Variants in LRRC27 observed in about 807,000 individuals in gnomAD.
The protein encoded by LRRC27 is leucine rich repeat containing 27.
In LRRC27, 57 loss-of-function variants were observed where a neutral mutation model predicts 55.0. That is an observed-to-expected ratio of 1.04 (90% CI 0.84 to 1.29). The LOEUF is 1.29. LRRC27 is among the 50% of genes most tolerant of loss of function. The pLI, the probability that LRRC27 is intolerant of heterozygous loss-of-function variation, is 0.00. For synonymous variants in LRRC27, 278 were observed against 251.9 expected (o/e 1.10, Z -0.98); for missense variants, 721 against 651.5 (o/e 1.11, Z -1.16).
intron 3 of LRRC27, among the ~76,000 whole-genome samples, chr10:132,338,521 A>G (rs941702848): frequency 5.3e-5 from 8 of 151,960 alleles, no homozygotes; most frequent in African/African-American, 1.7e-4. Flanking sequence ...AATCCTGCCC[A>G]TGGTGGAAAC....
At position 132,347,964 on chromosome 10, in the gene LRRC27, G is replaced by A. The variant is rs1289959143; in HGVS notation, c.554-20G>A. ...GATGGCGTTGATGGTAGCTACTAAA[G>A]CGGTTTCTTACTCTCCCAGAGGCTC... On this transcript the variant is annotated intron_variant, in intron 5 of 10. Transcript: ENST00000368614. 6 of 1,571,422 alleles carry A rather than the reference G, an allele frequency of 3.8e-6. No homozygotes were observed. The South Asian group carries it at 5.8e-5, about 15-fold the overall frequency.
chr10:132,356,329 G>A (rs1040527691), intron 8 of LRRC27, among the ~76,000 whole-genome samples: 3 of 152,224 alleles, frequency 2.0e-5, no homozygotes, highest in African/African-American at 7.2e-5. Context: ...TCTGGACCTC[G>A]AGGCAGGCAG....
intron 7 of LRRC27, chr10:132,353,256 C>A: frequency 1.6e-6 from 2 of 1,275,558 alleles, no homozygotes; most frequent in Non-Finnish European, 2.0e-6. Context: ...GCCTCTCCCT[C>A]CTTCTGGGTT....
In LRRC27 at chr10:132,337,660, A is replaced by G; in HGVS notation, c.306A>G (p.Arg102=). ...NLTWLDLRYN[R]IKALPSGIGA... is the part of the protein sequence containing the mutation. ...CTTGGCTGGACCTCCGGTACAATAG[A>G]ATTAAAGCGCTTCCTTCTGGGATTG... is the stretch of plus-strand genomic sequence containing the variant. Residue 102 remains arginine (R), a synonymous_variant, in exon 3 of 11, where the codon AGA becomes AGG. Coordinates refer to ENST00000368614, the MANE Select transcript of LRRC27 (RefSeq NM_030626.3). 6.2e-7 allele frequency: 1 copy of G among 1,614,130 alleles called. No homozygotes were observed. Among genetic ancestry groups the G allele is most frequent in the South Asian group, 1.1e-5 (1 of 91,074 alleles).
At chr10:132,349,692 G>T (rs1261345015) in intron 6 of LRRC27, among the ~76,000 whole-genome samples, 1 of 152,174 alleles carries the variant, frequency 6.6e-6, no homozygotes, top group Non-Finnish European at 1.5e-5. Context: ...GTCAGATTTG[G>T]ATACTAGACC....
At chr10:132,373,740 CCCCGGCCGCCCCCTACTGT>C (rs2133112125) in intron 10 of LRRC27, among the ~76,000 whole-genome samples, 2 of 152,206 alleles carry the variant, frequency 1.3e-5, no homozygotes, top group East Asian at 3.9e-4. Context: ...ACCCAGAAGC[CCCCGGCCGCCCCCTACTGT>C]GAGAGGAGCC....
chr10:132,334,830 A>C (rs1311821315), intron 2 of LRRC27, among the ~76,000 whole-genome samples: 1 of 152,246 alleles, frequency 6.6e-6, no homozygotes, highest in Non-Finnish European at 1.5e-5. Context: ...AGGGAGAAGG[A>C]GGAAATTCCA....
rs1369260143 is a variant in LRRC27, at chr10:132,379,184, C to G, written c.*3942C>G. ...GGAGTGCGTGGTGTCAGATCCCATC[C>G]TGCTCCTCTCCAGAGTTTCCTCTCA... On this transcript the variant is annotated 3_prime_UTR_variant, in exon 11 of 11. Coordinates refer to ENST00000368614, the MANE Select transcript of LRRC27 (RefSeq NM_030626.3). 6.6e-6 allele frequency: 1 copy of G among 152,348 alleles called. No individual in the cohort carries two copies. Among genetic ancestry groups the G allele is most frequent in the Non-Finnish European group, 1.4e-5 (1 of 69,622 alleles). 9.4% of individuals were successfully genotyped at this position (152,348 alleles called of 1,614,324 possible). A position where few individuals can be genotyped will look rare whatever the true frequency, so the allele number is the denominator to read the frequency against.
intron 8 of LRRC27, among the ~76,000 whole-genome samples, chr10:132,359,669 G>C (rs534172256): frequency 6.6e-6 from 1 of 152,254 alleles, no homozygotes; most frequent in South Asian, 2.1e-4. Context: ...TCGATGGGGT[G>C]GGAGCCTTGA....
At chr10:132,337,342 T>A in intron 2 of LRRC27, 1 of 1,340,396 alleles carries the variant, frequency 7.5e-7, no homozygotes, top group African/African-American at 1.5e-5. Flanking sequence ...AGGAAGTCAG[T>A]TCCGGCTCCA....
At chr10:132,367,015 A>T in intron 10 of LRRC27, 1 of 1,169,440 alleles carries the variant, frequency 8.6e-7, no homozygotes, top group Non-Finnish European at 1.1e-6. Context: ...ATCGTTTATG[A>T]GTATGACCTT....
chr10:132,371,647 T>C (rs2133106870), intron 10 of LRRC27, among the ~76,000 whole-genome samples: 1 of 152,292 alleles, frequency 6.6e-6, no homozygotes, highest in Admixed American at 6.5e-5. Flanking sequence ...GCCCCACAAA[T>C]GGCCACGTTT....
chr10:132,345,650 G>T (rs2067647053), intron 5 of LRRC27, among the ~76,000 whole-genome samples: 1 of 152,204 alleles, frequency 6.6e-6, no homozygotes, highest in African/African-American at 2.4e-5. Flanking sequence ...GAGGGCACTG[G>T]GCACCTGGCA....
upstream of LRRC27, chr10:132,332,031 C>T (rs2066791382): frequency 5.6e-6 from 2 of 356,644 alleles, no homozygotes; most frequent in East Asian, 4.8e-5. Context: ...CCACACCCCG[C>T]CCCCGCACGC....
chr10:132,337,245 G>A (rs1048639787), intron 2 of LRRC27: 1 of 1,190,258 alleles, frequency 8.4e-7, no homozygotes, highest in Non-Finnish European at 1.0e-6. Context: ...GAGACACTGA[G>A]TGTGGGGCCC....
chr10:132,372,221 G>T lies in LRRC27; in HGVS notation c.1417-2845G>T, dbSNP rs903011863. On this transcript the variant is annotated intron_variant, in intron 10 of 10. Coordinates refer to ENST00000368614, the MANE Select transcript of LRRC27 (RefSeq NM_030626.3). The surrounding 1 kb of genome is among the most constrained non-coding windows in gnomAD (Gnocchi z 4.0). Reference sequence around the variant, plus strand: ...TGGGGGTCGGGGTGCGGTGGCTCACGCCTGCAATCCCAGCTGAAAAGCACA... The same window carrying T: ...TGGGGGTCGGGGTGCGGTGGCTCACTCCTGCAATCCCAGCTGAAAAGCACA... Among the ~76,000 whole-genome samples the T allele has an allele frequency of 6.7e-6, 1 of 149,402 alleles. No individual in the cohort carries two copies. The highest frequency in any genetic ancestry group is 1.5e-5 in the Non-Finnish European group (1 of 67,534).
At chr10:132,358,354 G>A (rs61864507) in intron 8 of LRRC27, among the ~76,000 whole-genome samples, 1,215 of 106,668 alleles carry the variant, frequency 0.011, 4 homozygotes, top group South Asian at 0.016. Context: ...AGCCGAGGTG[G>A]TGGAGCAGCG....
chr10:132,353,221 A>G (rs2068151348), intron 7 of LRRC27: 1 of 1,329,594 alleles, frequency 7.5e-7, no homozygotes, highest in East Asian at 3.2e-5. Context: ...CTTCTTTGTG[A>G]GCTGCCTGGA....
At chr10:132,350,744 T>C (rs1470702356) in intron 6 of LRRC27, 1 of 152,454 alleles carries the variant, frequency 6.6e-6, no homozygotes, top group Non-Finnish European at 1.5e-5. Context: ...GCCTTTCTCC[T>C]CTGGGCGAAG....
Sources: allele counts gnomAD v4.1 joint callset (sites outside exome capture counted in the v4.1 genomes callset), GRCh38; gene constraint gnomAD v4.1.1; non-coding constraint Gnocchi (gnomAD v3.1); transcripts MANE v1.5; gene names NCBI Gene and HGNC (gene_info 2026-07-23, HGNC 2026-07-21).